The following OPRM1 variants were observed in gnomAD, a reference collection of about 807,000 sequenced individuals.
OPRM1 encodes opioid receptor mu 1.
In OPRM1, 27 loss-of-function variants were observed where a neutral mutation model predicts 31.8. That is an observed-to-expected ratio of 0.85 (90% confidence interval 0.63 to 1.17). OPRM1 has a LOEUF of 1.17. OPRM1 is among the 50% of genes most tolerant of loss of function. The probability of loss-of-function intolerance (pLI) is 0.00; values close to 1 mark genes in which losing one functional copy is unlikely to be tolerated. For synonymous variants in OPRM1, 196 were observed against 189.9 expected, an observed-to-expected ratio of 1.03 and a Z score of -0.26; for missense variants, 536 against 511.1, an observed-to-expected ratio of 1.05 and a Z score of -0.47.
At chr6:154,030,351 A>G (rs57891041) in intron 1 of OPRM1, among the ~76,000 whole-genome samples, 4,388 of 152,250 alleles carry the variant, frequency 0.029, 202 homozygotes, top group African/African-American at 0.1. Flanking sequence ...TTTCTTTTAT[A>G]CCCAGAAAAA....
At chr6:154,106,799 G>A (rs1795644684) in intron 3 of OPRM1, among the ~76,000 whole-genome samples, 1 of 152,168 alleles carries the variant, frequency 6.6e-6, no homozygotes, top group South Asian at 2.1e-4. Flanking sequence ...TGGCTTTAGG[G>A]TAGGTAGATT....
chr6:154,147,083 A>G (rs1583655333), intron 3 of OPRM1, among the ~76,000 whole-genome samples: 1 of 152,048 alleles, frequency 6.6e-6, no homozygotes, highest in Non-Finnish European at 1.5e-5. Flanking sequence ...AGAGGTGGGG[A>G]AGGGGAGCAG....
rs540882610 is a variant in OPRM1, at chr6:154,121,046, G to A, written c.*2325G>A. On this transcript the variant is annotated 3_prime_UTR_variant, in exon 4 of 4. Coordinates refer to ENST00000330432, the MANE Select transcript of OPRM1 (RefSeq NM_000914.5). ...AACCACCTTCCAATTCCAAGGCAAGGAGAGACATTACAACCCTGACTCAAC... is the reference window on the plus strand; with the variant it reads ...AACCACCTTCCAATTCCAAGGCAAGAAGAGACATTACAACCCTGACTCAAC... 3.3e-5 allele frequency among the ~76,000 whole-genome samples: 5 copies of A among 152,226 alleles called. No homozygotes were observed. The highest frequency in any genetic ancestry group is 6.5e-5 in the Admixed American group (1 of 15,268).
At chr6:154,193,331 C>T (rs990796999) in intron 3 of OPRM1, among the ~76,000 whole-genome samples, 4 of 152,008 alleles carry the variant, frequency 2.6e-5, no homozygotes, top group African/African-American at 9.7e-5. Context: ...GATGCAAAGG[C>T]ACGATAAAAT....
At chr6:154,186,031 G>C (rs1009189573) in intron 3 of OPRM1, among the ~76,000 whole-genome samples, 1 of 152,194 alleles carries the variant, frequency 6.6e-6, no homozygotes, top group Admixed American at 6.5e-5. Flanking sequence ...GGGCACCCCA[G>C]AGCTCAGCCC....
intron 3 of OPRM1, among the ~76,000 whole-genome samples, chr6:154,230,322 G>A (rs933282730): frequency 1.1e-4 from 17 of 152,062 alleles, no homozygotes; most frequent in Non-Finnish European, 2.2e-4. Flanking sequence ...GAGTATGGGC[G>A]GGGATCATAT....
chr6:154,038,783 T>C (rs937343033), upstream of OPRM1, among the ~76,000 whole-genome samples: 5 of 152,248 alleles, frequency 3.3e-5, no homozygotes, highest in African/African-American at 9.6e-5. Context: ...ACAGGTTTTC[T>C]GCACAAAAGT....
At chr6:154,202,579 C>G (rs60145555) in intron 3 of OPRM1, among the ~76,000 whole-genome samples, 8,420 of 152,266 alleles carry the variant, frequency 0.055, 341 homozygotes, top group South Asian at 0.19. Flanking sequence ...TTTCCTCTTA[C>G]TCCTGCTGAC....
intron 1 of OPRM1, among the ~76,000 whole-genome samples, chr6:154,064,409 T>C (rs1261503360): frequency 6.6e-6 from 1 of 152,174 alleles, no homozygotes; most frequent in African/African-American, 2.4e-5. Context: ...AGATATATGA[T>C]TTCCAAATAT....
At chr6:154,194,940 T>C (rs1202578314) in intron 3 of OPRM1, among the ~76,000 whole-genome samples, 1 of 152,054 alleles carries the variant, frequency 6.6e-6, no homozygotes, top group Non-Finnish European at 1.5e-5. Flanking sequence ...GGTAATGTTC[T>C]AGGAACAAAA....
At chr6:154,097,610 C>T (rs199957331) in intron 3 of OPRM1, among the ~76,000 whole-genome samples, 7 of 116,004 alleles carry the variant, frequency 6.0e-5, no homozygotes, top group East Asian at 3.2e-4. Context: ...TGTGTGTGTG[C>T]GTGTGATATA....
chr6:154,218,551 T>C (rs1323627165), intron 3 of OPRM1, among the ~76,000 whole-genome samples: 1 of 152,150 alleles, frequency 6.6e-6, no homozygotes, highest in East Asian at 1.9e-4. Flanking sequence ...TCTTACCAAG[T>C]AATACCCAGA....
At chr6:154,047,680 G>A (rs1415465499) in intron 1 of OPRM1, among the ~76,000 whole-genome samples, 1 of 152,174 alleles carries the variant, frequency 6.6e-6, no homozygotes, top group Non-Finnish European at 1.5e-5. Flanking sequence ...TTCTGGATAT[G>A]TGTCTGTCCA....
intron 3 of OPRM1, among the ~76,000 whole-genome samples, chr6:154,102,912 C>A (rs1795047938): frequency 7.6e-6 from 1 of 130,994 alleles, no homozygotes; most frequent in Non-Finnish European, 1.5e-5. Context: ...CACCACTAAC[C>A]AGTTGCAAAA....
chr6:154,233,424 A>C (rs937060977), intron 3 of OPRM1, among the ~76,000 whole-genome samples: 1 of 152,164 alleles, frequency 6.6e-6, no homozygotes, highest in African/African-American at 2.4e-5. Flanking sequence ...TTTTACTAAA[A>C]TATTGTTGCG....
chr6:154,118,537 T>C, intron 3 of OPRM1, 146 bp from the exon 4 acceptor site: 1 of 699,698 alleles, frequency 1.4e-6, no homozygotes, highest in Non-Finnish European at 2.5e-6. Context: ...GATTAATGTC[T>C]TGACATTTAA....
At chr6:154,025,771 A>G (rs544392066) in intron 1 of OPRM1, among the ~76,000 whole-genome samples, 1 of 152,166 alleles carries the variant, frequency 6.6e-6, no homozygotes, top group South Asian at 2.1e-4. Context: ...CCTGAAAACA[A>G]TTTAGCACTT....
At chr6:154,066,935 C>T (rs1785538808) in intron 1 of OPRM1, among the ~76,000 whole-genome samples, 1 of 152,094 alleles carries the variant, frequency 6.6e-6, no homozygotes, top group Non-Finnish European at 1.5e-5. Flanking sequence ...TCATTTCATC[C>T]AGATTATCCA....
rs11356195 is a variant in OPRM1, at chr6:154,126,194, GA to G, written c.*7483del. On this transcript the variant is annotated 3_prime_UTR_variant, in exon 4 of 4. Coordinates refer to ENST00000330432, the MANE Select transcript of OPRM1 (RefSeq NM_000914.5). ...AAACCACAGAAGATATAGGAGAAGA[GA>G]AAAAAAAAAGAGGAAATAAAGAAGA... Among the ~76,000 whole-genome samples the G allele has an allele frequency of 0.89, 129,443 of 144,846 alleles. 57,912 individuals are homozygous for G. Among genetic ancestry groups the G allele is most frequent in the East Asian group, 0.98 (4,765 of 4,850 alleles).
Sources: gnomAD v4.1 joint callset for allele counts (sites outside exome capture counted in the v4.1 genomes callset) on GRCh38, gnomAD v4.1.1 for gene constraint, MANE v1.5 for transcripts, NCBI Gene and HGNC (gene_info 2026-07-23, HGNC 2026-07-21) for gene names.